Variants in SLIT2 observed in about 807,000 individuals in gnomAD.
SLIT2 encodes slit homolog 2 protein.
Under a neutral mutation model 185.7 loss-of-function variants are expected in SLIT2, and 41 were observed. The ratio of observed to expected loss-of-function variants is 0.22; its 90% CI spans 0.17 to 0.29. SLIT2 has a LOEUF of 0.29. Ranked by LOEUF, SLIT2 falls within the 10% of genes least tolerant of loss-of-function variation. SLIT2 has a pLI of 1.00. For synonymous variants in SLIT2, 693 were observed against 680.2 expected, an observed-to-expected ratio of 1.02 and a Z score of -0.29; for missense variants, 1,571 against 1,909.0, an observed-to-expected ratio of 0.82 and a Z score of 3.30.
intron 4 of SLIT2, among the ~76,000 whole-genome samples, chr4:20,330,890 C>G (rs1342343511): frequency 2.0e-5 from 3 of 152,020 alleles, no homozygotes; most frequent in African/African-American, 4.8e-5. Flanking sequence ...TAGATAAATT[C>G]ATTAAGTGGC....
At chr4:20,515,356 G>A (rs1720105584) in intron 11 of SLIT2, among the ~76,000 whole-genome samples, 1 of 152,098 alleles carries the variant, frequency 6.6e-6, no homozygotes, top group Admixed American at 6.6e-5. Flanking sequence ...TATGCCAAAG[G>A]TCCTCAATAT....
At chr4:20,538,415 G>GCAT (rs1400664293) in intron 18 of SLIT2, among the ~76,000 whole-genome samples, 4 of 33,880 alleles carry the variant, frequency 1.2e-4, no homozygotes, top group Admixed American at 9.7e-4. Context: ...CATAAGGAGA[G>GCAT]CATCATCTTA....
chr4:20,273,228 C>G (rs904667929), intron 4 of SLIT2, among the ~76,000 whole-genome samples: 1 of 151,072 alleles, frequency 6.6e-6, no homozygotes, highest in African/African-American at 2.4e-5. Flanking sequence ...GTAACACATG[C>G]TCATTGTAAA....
chr4:20,309,526 C>T (rs1717883696), intron 4 of SLIT2, among the ~76,000 whole-genome samples: 1 of 151,390 alleles, frequency 6.6e-6, no homozygotes, highest in Non-Finnish European at 1.5e-5. Flanking sequence ...TTCTTCTGTC[C>T]TCAAAAAATA....
intron 11 of SLIT2, among the ~76,000 whole-genome samples, chr4:20,512,103 T>C (rs1719809247): frequency 6.6e-6 from 1 of 152,190 alleles, no homozygotes; most frequent in Admixed American, 6.5e-5. Flanking sequence ...GATTTAAATA[T>C]TCGAAAGTGG....
intron 11 of SLIT2, among the ~76,000 whole-genome samples, chr4:20,513,942 G>A (rs1719970696): frequency 6.6e-6 from 1 of 152,128 alleles, no homozygotes; most frequent in Non-Finnish European, 1.5e-5. Context: ...GGAGAGTAGT[G>A]GGTGCTTGAA....
chr4:20,510,997 A>G (rs1719649840), intron 10 of SLIT2, 69 bp from the exon 11 acceptor site: 3 of 984,556 alleles, frequency 3.0e-6, no homozygotes, highest in Non-Finnish European at 3.3e-6. Context: ...AAAGCCATAC[A>G]TAGCTTTTTC....
intron 4 of SLIT2, among the ~76,000 whole-genome samples, chr4:20,427,669 T>TC (rs1336591484): frequency 1.3e-5 from 2 of 149,728 alleles, no homozygotes; most frequent in Admixed American, 1.3e-4. Context: ...GAATTTGCAT[T>TC]CTTTTTTTTT....
chr4:20,386,544 A>G (rs1269291502), intron 4 of SLIT2, among the ~76,000 whole-genome samples: 1 of 152,180 alleles, frequency 6.6e-6, no homozygotes, highest in Non-Finnish European at 1.5e-5. Flanking sequence ...GATAATGATG[A>G]TTCTGCAATA....
At position 20,254,955 on chromosome 4, in the gene SLIT2, C is replaced by T; in HGVS notation, c.179+961C>T. 2.2e-6 allele frequency: 1 copy of T among 456,302 alleles called. No homozygotes were observed. Among genetic ancestry groups the T allele is most frequent in the South Asian group, 1.5e-5 (1 of 64,576 alleles). 28.3% of individuals were successfully genotyped at this position (456,302 alleles called of 1,614,324 possible). A position where few individuals can be genotyped will look rare whatever the true frequency, so the allele number is the denominator to read the frequency against. On this transcript the variant is annotated intron_variant, in intron 1 of 36. Coordinates refer to ENST00000504154, the MANE Select transcript of SLIT2 (RefSeq NM_004787.4). The surrounding 1 kb of genome is among the most constrained non-coding windows in gnomAD (Gnocchi z 5.1). ...TCTAATGAAGAAGTAAATGCAGACC[C>T]GGTGTTGACGGCCCACGCGCTCCTG...
At chr4:20,425,399 T>C (rs1202446065) in intron 4 of SLIT2, among the ~76,000 whole-genome samples, 2 of 152,132 alleles carry the variant, frequency 1.3e-5, no homozygotes, top group Non-Finnish European at 1.5e-5. Flanking sequence ...AAAACCATTG[T>C]CCATTTCTCC....
In SLIT2 at chr4:20,257,946, AT is replaced by A; in HGVS notation, c.323+11del. The A allele has an allele frequency of 7.5e-7, 1 of 1,340,966 alleles. No individual in the cohort carries two copies. The highest frequency in any genetic ancestry group is 1.1e-6 in the Non-Finnish European group (1 of 944,598). 83.1% of individuals were successfully genotyped at this position (1,340,966 alleles called of 1,614,324 possible). A position where few individuals can be genotyped will look rare whatever the true frequency, so the allele number is the denominator to read the frequency against. On this transcript the variant is annotated splice_region_variant and intron_variant, in intron 3 of 36. Coordinates refer to ENST00000504154, the MANE Select transcript of SLIT2 (RefSeq NM_004787.4). Reference sequence around the variant, plus strand: ...TTAAAGAACTAGAGAGACTGTAAGTATTTTCAATTCCAAAGTTATGACAACA... The same window carrying A: ...TTAAAGAACTAGAGAGACTGTAAGTATTTCAATTCCAAAGTTATGACAACA...
intron 4 of SLIT2, among the ~76,000 whole-genome samples, chr4:20,344,528 G>C (rs773011356): frequency 2.0e-5 from 3 of 152,154 alleles, no homozygotes; most frequent in Non-Finnish European, 2.9e-5. Context: ...TTAAATGAAA[G>C]GAATAGCCAT....
chr4:20,442,217 G>C (rs13143737), intron 4 of SLIT2, among the ~76,000 whole-genome samples: 1 of 151,952 alleles, frequency 6.6e-6, no homozygotes, highest in Non-Finnish European at 1.5e-5. Context: ...GGCAGAGTGC[G>C]TTTAGAAAGG....
chr4:20,293,619 A>G (rs1716183079), intron 4 of SLIT2, among the ~76,000 whole-genome samples: 1 of 152,216 alleles, frequency 6.6e-6, no homozygotes, highest in South Asian at 2.1e-4. Flanking sequence ...ATCAATTCTT[A>G]GCTTTCTTCC....
intron 4 of SLIT2, among the ~76,000 whole-genome samples, chr4:20,338,286 C>G (rs1158788375): frequency 6.6e-6 from 1 of 152,128 alleles, no homozygotes; most frequent in Non-Finnish European, 1.5e-5. Flanking sequence ...AGGCAGCCTA[C>G]AATTGTCAGT....
intron 3 of SLIT2, among the ~76,000 whole-genome samples, chr4:20,267,384 A>T (rs1713144862): frequency 6.6e-6 from 1 of 151,832 alleles, no homozygotes; most frequent in Admixed American, 6.6e-5. Context: ...TTTTATTAGT[A>T]TGCATTTTAT....
rs2148797051 is a variant in SLIT2 at position 20,491,445 on chromosome 4, C to A, written c.776-316C>A. Among the ~76,000 whole-genome samples, 3 of 152,172 alleles carry A rather than the reference C, an allele frequency of 2.0e-5. No homozygotes were observed. In the South Asian group the frequency reaches 6.2e-4, roughly 32 times the overall value. On this transcript the variant is annotated intron_variant, in intron 8 of 36. Coordinates refer to ENST00000504154, the MANE Select transcript of SLIT2 (RefSeq NM_004787.4). ...GATAAATTAGTCTGAAGTTGCTGGG[C>A]TTTTGGAAATTAGAATAGTTTTGAA... is the stretch of plus-strand genomic sequence containing the variant.
intron 5 of SLIT2, among the ~76,000 whole-genome samples, chr4:20,470,837 A>G (rs1333002174): frequency 1.3e-5 from 2 of 152,142 alleles, no homozygotes; most frequent in East Asian, 3.9e-4. Flanking sequence ...TGGCCTCACA[A>G]AGTGCTGGGA....
Sources: allele counts gnomAD v4.1 joint callset (sites outside exome capture counted in the v4.1 genomes callset), GRCh38; gene constraint gnomAD v4.1.1; non-coding constraint Gnocchi (gnomAD v3.1); transcripts MANE v1.5; gene names NCBI Gene and HGNC (gene_info 2026-07-23, HGNC 2026-07-21).